Variants in DNAJC15 observed in about 807,000 individuals in gnomAD.
The protein encoded by DNAJC15 is DnaJ heat shock protein family (Hsp40) member C15, also known as dnaJ homolog subfamily C member 15.
In DNAJC15, 27 loss-of-function variants were observed where a neutral mutation model predicts 22.4. The ratio of observed to expected loss-of-function variants is 1.20; its 90% confidence interval spans 0.89 to 1.66. The LOEUF (loss-of-function observed/expected upper bound fraction) is 1.66, where lower values mean the gene tolerates loss of function less well. DNAJC15 is among the 40% of genes most tolerant of loss of function. The pLI is 0.00. For synonymous variants in DNAJC15, 79 were observed against 63.2 expected (o/e 1.25, Z -1.19); for missense variants, 208 against 187.1 (o/e 1.11, Z -0.65).
At chr13:43,089,322 G>A (rs189532358) in intron 5 of DNAJC15, among the ~76,000 whole-genome samples, 150 of 152,282 alleles carry the variant, frequency 9.9e-4, no homozygotes, top group Non-Finnish European at 1.2e-3. Flanking sequence ...CTCTGTCCCC[G>A]TGGGATCATG....
chr13:43,099,308 A>G (rs1479417937), intron 5 of DNAJC15, among the ~76,000 whole-genome samples: 1 of 152,180 alleles, frequency 6.6e-6, no homozygotes, highest in African/African-American at 2.4e-5. Flanking sequence ...GATTTTCAGT[A>G]TACAAGATCA....
At chr13:43,038,644 T>A (rs530570357) in intron 1 of DNAJC15, among the ~76,000 whole-genome samples, 11 of 152,074 alleles carry the variant, frequency 7.2e-5, no homozygotes, top group African/African-American at 2.7e-4. Context: ...TACAAAAAAT[T>A]AGCCAGGCTT....
chr13:43,032,713 T>C (rs2040409088), intron 1 of DNAJC15, among the ~76,000 whole-genome samples: 1 of 152,084 alleles, frequency 6.6e-6, no homozygotes, highest in Non-Finnish European at 1.5e-5. Context: ...TAGTCCCAGC[T>C]ACTCGGGAGG....
intron 1 of DNAJC15, among the ~76,000 whole-genome samples, chr13:43,060,462 A>G (rs548364156): frequency 3.3e-5 from 5 of 152,320 alleles, no homozygotes; most frequent in African/African-American, 1.2e-4. Flanking sequence ...ACATCCAATC[A>G]GAGAGTGTCC....
chr13:43,039,119 A>T (rs963690900), intron 1 of DNAJC15, among the ~76,000 whole-genome samples: 1 of 152,164 alleles, frequency 6.6e-6, no homozygotes, highest in African/African-American at 2.4e-5. Flanking sequence ...TTGAAGGCAT[A>T]AGCTCTGGTC....
chr13:43,031,812 TTC>T (rs1463133436), intron 1 of DNAJC15, among the ~76,000 whole-genome samples: 1 of 152,220 alleles, frequency 6.6e-6, no homozygotes, highest in African/African-American at 2.4e-5. Flanking sequence ...ATTCAGAATA[TTC>T]TCTTTGTTTC....
At chr13:43,075,131 C>T (rs966242962) in intron 3 of DNAJC15, among the ~76,000 whole-genome samples, 7 of 152,162 alleles carry the variant, frequency 4.6e-5, no homozygotes, top group Non-Finnish European at 8.8e-5. Context: ...CCCAGCCCCA[C>T]ATGTTAAGTC....
intron 1 of DNAJC15, among the ~76,000 whole-genome samples, chr13:43,045,719 T>C (rs1297997021): frequency 6.6e-6 from 1 of 152,192 alleles, no homozygotes; most frequent in African/African-American, 2.4e-5. Flanking sequence ...ACTTCCTTGT[T>C]TTTTTCTTAA....
intron 5 of DNAJC15, among the ~76,000 whole-genome samples, chr13:43,086,776 ATTTAC>A (rs1437462431): frequency 6.6e-6 from 1 of 152,208 alleles, no homozygotes; most frequent in Non-Finnish European, 1.5e-5. Context: ...CACTCAGCTA[ATTTAC>A]TTTGCATTGT....
chr13:43,088,340 A>G (rs551894725), intron 5 of DNAJC15, among the ~76,000 whole-genome samples: 9 of 152,208 alleles, frequency 5.9e-5, no homozygotes, highest in Non-Finnish European at 8.8e-5. Flanking sequence ...GATCTAATCA[A>G]TGCTGCCTCC....
intron 1 of DNAJC15, among the ~76,000 whole-genome samples, chr13:43,025,395 C>T (rs1046473931): frequency 2.6e-5 from 4 of 152,262 alleles, no homozygotes; most frequent in African/African-American, 9.6e-5. Flanking sequence ...AGAGAGTTTA[C>T]AGAATCCAGA....
chr13:43,091,060 T>C (rs565742125), intron 5 of DNAJC15, among the ~76,000 whole-genome samples: 9 of 151,982 alleles, frequency 5.9e-5, no homozygotes, highest in Admixed American at 6.5e-5. Context: ...AAATTACAGA[T>C]TCAATTTATT....
rs1383292129 is a variant in DNAJC15, at chr13:43,111,415, A to G, written c.*4167A>G. 1 of 152,220 alleles carries G rather than the reference A, an allele frequency of 6.6e-6. No individual in the cohort carries two copies. The highest frequency in any genetic ancestry group is 1.5e-5 in the Non-Finnish European group (1 of 68,038). The allele number at this position is 152,220 out of a possible 1,614,324, so 9.4% of individuals were successfully genotyped here. A position where few individuals can be genotyped will look rare whatever the true frequency, so the allele number is the denominator to read the frequency against. On this transcript the variant is annotated 3_prime_UTR_variant, in exon 6 of 6. Coordinates refer to ENST00000379221, the MANE Select transcript of DNAJC15 (RefSeq NM_013238.3). ...TGGGCGTGCTTATGATTGATCACCC[A>G]GCAGCATCATTAGAAATAATATATT...
At chr13:43,091,772 A>G (rs9590739) in intron 5 of DNAJC15, among the ~76,000 whole-genome samples, 34,522 of 150,852 alleles carry the variant, frequency 0.23, 4,490 homozygotes, top group Non-Finnish European at 0.3. Flanking sequence ...AATTTTCATT[A>G]TGATTTTTTT....
intron 5 of DNAJC15, among the ~76,000 whole-genome samples, chr13:43,088,578 TCA>T (rs1291628205): frequency 6.6e-6 from 1 of 152,224 alleles, no homozygotes; most frequent in Non-Finnish European, 1.5e-5. Context: ...CGCAGTATTC[TCA>T]CACTTCCTTA....
chr13:43,078,546 T>G, intron 3 of DNAJC15, 66 bp from the exon 4 acceptor site: 194 of 1,286,908 alleles, frequency 1.5e-4, no homozygotes, highest in Non-Finnish European at 2.0e-4. Context: ...AGCTACATGA[T>G]GAGATTGAGG....
intron 1 of DNAJC15, among the ~76,000 whole-genome samples, chr13:43,046,070 C>A (rs948078412): frequency 6.6e-6 from 1 of 151,990 alleles, no homozygotes; most frequent in African/African-American, 2.4e-5. Context: ...ATTACCTAAC[C>A]TTTTTATTGG....
rs753266062 is a variant in DNAJC15 at position 43,065,724 on chromosome 13, T to C, written c.147T>C (p.Ala49=). ...SLIAVGLGVA[A]LAFAGRYAFR... ...TAGCTGTAGGACTGGGTGTTGCAGC[T>C]CTTGCATTTGCAGGTAAGATAAAGA... Residue 49 remains alanine (A), a synonymous_variant, in exon 2 of 6, where the codon GCT becomes GCC. Coordinates refer to ENST00000379221, the MANE Select transcript of DNAJC15 (RefSeq NM_013238.3). 6.2e-6 allele frequency: 10 copies of C among 1,613,224 alleles called. No homozygotes were observed. In the South Asian group the frequency reaches 8.8e-5, roughly 14 times the overall value.
chr13:43,038,520 C>T (rs1046683672), intron 1 of DNAJC15, among the ~76,000 whole-genome samples: 7 of 152,108 alleles, frequency 4.6e-5, no homozygotes, highest in African/African-American at 1.2e-4. Flanking sequence ...AGGCCAGGTG[C>T]GGTGGCTCAT....
Sources: allele counts gnomAD v4.1 joint callset (sites outside exome capture counted in the v4.1 genomes callset), GRCh38; gene constraint gnomAD v4.1.1; transcripts MANE v1.5; gene names NCBI Gene and HGNC (gene_info 2026-07-23, HGNC 2026-07-21).